Variants in PKIB observed in about 807,000 individuals in gnomAD.
The protein encoded by PKIB is PKI-beta.
In PKIB, 2 loss-of-function variants were observed where a neutral mutation model predicts 4.5. The observed-to-expected ratio is 0.44, with a 90% CI of 0.18 to 1.39. The LOEUF is 1.39. Ranked by LOEUF, PKIB falls within the 40% of genes most tolerant of loss-of-function variation. PKIB has a pLI of 0.27. For missense variants in PKIB, 94 were observed against 92.6 expected (o/e 1.02, Z -0.06); for synonymous variants, 38 against 36.0 (o/e 1.06, Z -0.20).
At chr6:122,501,853 T>G (rs985626603) in intron 2 of PKIB, among the ~76,000 whole-genome samples, 2 of 152,154 alleles carry the variant, frequency 1.3e-5, no homozygotes, top group Non-Finnish European at 2.9e-5. Context: ...TTTCCAAACT[T>G]TTGTGATAAG....
intron 2 of PKIB, among the ~76,000 whole-genome samples, chr6:122,649,594 A>G (rs185129546): frequency 6.6e-6 from 1 of 152,216 alleles, no homozygotes; most frequent in Non-Finnish European, 1.5e-5. Context: ...TTTCAGCTCA[A>G]TCTTATATAT....
At chr6:122,611,504 T>C (rs1029523197) in intron 1 of PKIB, among the ~76,000 whole-genome samples, 8 of 152,200 alleles carry the variant, frequency 5.3e-5, no homozygotes, top group Non-Finnish European at 1.2e-4. Flanking sequence ...GAATGACCAC[T>C]TAAACGTTCA....
chr6:122,542,939 C>T (rs977629886), intron 2 of PKIB, among the ~76,000 whole-genome samples: 3 of 152,112 alleles, frequency 2.0e-5, no homozygotes, highest in African/African-American at 4.8e-5. Context: ...CCCCCAGCCT[C>T]GCTGCTGCCT....
At chr6:122,598,467 C>A (rs1167402339) in intron 3 of PKIB, among the ~76,000 whole-genome samples, 3 of 152,162 alleles carry the variant, frequency 2.0e-5, no homozygotes, top group Admixed American at 1.3e-4. Flanking sequence ...TTCAATTATT[C>A]CCATTGTATT....
intron 3 of PKIB, among the ~76,000 whole-genome samples, chr6:122,700,168 C>CTGTTGTTGTTGTTGTTGT (rs151151718): frequency 6.7e-6 from 1 of 149,538 alleles, no homozygotes; most frequent in East Asian, 2.0e-4. Flanking sequence ...TTTTAGGGTT[C>CTGTTGTTGTTGTTGTTGT]TGTTGTTGTT....
At chr6:122,645,463 G>T (rs997067996) in intron 2 of PKIB, among the ~76,000 whole-genome samples, 15 of 152,200 alleles carry the variant, frequency 9.9e-5, no homozygotes, top group Admixed American at 9.8e-4. Context: ...GGCAGATAGG[G>T]GGTCGGAGTC....
At chr6:122,677,608 C>T (rs760047084) in intron 3 of PKIB, among the ~76,000 whole-genome samples, 1 of 152,132 alleles carries the variant, frequency 6.6e-6, no homozygotes, top group Non-Finnish European at 1.5e-5. Context: ...ATATGTCAAG[C>T]CCATAAATTT....
intron 2 of PKIB, among the ~76,000 whole-genome samples, chr6:122,666,822 C>T (rs1247661342): frequency 1.3e-5 from 2 of 152,170 alleles, no homozygotes; most frequent in Non-Finnish European, 2.9e-5. Context: ...TCCTGTGAAT[C>T]GACTTAGTCA....
intron 2 of PKIB, among the ~76,000 whole-genome samples, chr6:122,530,855 C>G (rs1777235276): frequency 6.6e-6 from 1 of 152,158 alleles, no homozygotes. Context: ...CTGCAATATG[C>G]CATTTAGTGG....
intron 2 of PKIB, among the ~76,000 whole-genome samples, chr6:122,493,855 C>G (rs1776004538): frequency 6.6e-6 from 1 of 152,100 alleles, no homozygotes; most frequent in Non-Finnish European, 1.5e-5. Flanking sequence ...TGGACCACAG[C>G]CAGGGACCAC....
At chr6:122,607,034 T>G (rs1373858465), upstream of PKIB, among the ~76,000 whole-genome samples, 1 of 151,488 alleles carries the variant, frequency 6.6e-6, no homozygotes, top group Non-Finnish European at 1.5e-5. Flanking sequence ...GGTTATATAA[T>G]TTGCTGGGCT....
Position 122,658,149 on chromosome 6 carries a change from G to C in PKIB, c.-75-16929G>C, listed in dbSNP as rs147749737. Among the ~76,000 whole-genome samples, 353 of 152,204 alleles carry C rather than the reference G, an allele frequency of 2.3e-3. 2 individuals carry two copies. The highest frequency in any genetic ancestry group is 8.2e-3 in the African/African-American group (339 of 41,546). On this transcript the variant is annotated intron_variant, in intron 2 of 4. Transcript: ENST00000368452. Reference sequence around the variant, plus strand: ...TAATCTGGGAGTCTAAAATATTTTTGTAATAGATTGGTTTTGTGCTGGTTC... The same window carrying C: ...TAATCTGGGAGTCTAAAATATTTTTCTAATAGATTGGTTTTGTGCTGGTTC...
intron 2 of PKIB, among the ~76,000 whole-genome samples, chr6:122,555,425 A>G (rs766701965): frequency 9.8e-5 from 15 of 152,338 alleles, no homozygotes; most frequent in African/African-American, 3.6e-4. Context: ...GTTTTTGGCT[A>G]TGAGTTGTTT....
intron 2 of PKIB, among the ~76,000 whole-genome samples, chr6:122,582,978 T>C (rs192382869): frequency 0.012 from 1,899 of 152,146 alleles, 17 homozygotes; most frequent in Non-Finnish European, 0.019. Flanking sequence ...TTCTGAATAT[T>C]GATTAATACT....
intron 3 of PKIB, among the ~76,000 whole-genome samples, chr6:122,716,523 T>C (rs918674030): frequency 5.3e-5 from 8 of 152,272 alleles, no homozygotes; most frequent in African/African-American, 1.7e-4. Flanking sequence ...GACAATAATA[T>C]CTATGGAATT....
chr6:122,540,253 G>A (rs1477236847), intron 2 of PKIB, among the ~76,000 whole-genome samples: 1 of 151,870 alleles, frequency 6.6e-6, no homozygotes, highest in Admixed American at 6.6e-5. Context: ...TGCTTTTCTA[G>A]TTCTTTTAAT....
intron 2 of PKIB, among the ~76,000 whole-genome samples, chr6:122,578,507 A>G (rs1305884315): frequency 6.6e-6 from 1 of 151,890 alleles, no homozygotes. Flanking sequence ...TAGATGCCAA[A>G]ATGTTCTTTT....
chr6:122,511,962 C>T (rs1252073199), intron 2 of PKIB, among the ~76,000 whole-genome samples: 9 of 152,114 alleles, frequency 5.9e-5, no homozygotes, highest in Non-Finnish European at 1.2e-4. Context: ...GCGGATCTCA[C>T]TCTGAGCATG....
chr6:122,523,948 C>G (rs1777022748), intron 2 of PKIB, among the ~76,000 whole-genome samples: 2 of 152,144 alleles, frequency 1.3e-5, no homozygotes, highest in Admixed American at 1.3e-4. Context: ...TACCCAGTCT[C>G]AAGTGTTTCT....
Sources: gnomAD v4.1 joint callset for allele counts (sites outside exome capture counted in the v4.1 genomes callset) on GRCh38, gnomAD v4.1.1 for gene constraint, MANE v1.5 for transcripts, NCBI Gene and HGNC (gene_info 2026-07-23, HGNC 2026-07-21) for gene names.